PCDHA13: variants seen among roughly 807,000 people sequenced by gnomAD.
PCDHA13 encodes protocadherin alpha-13.
In PCDHA13, 54 loss-of-function variants were observed where a neutral mutation model predicts 64.8. The ratio of observed to expected loss-of-function variants is 0.83; its 90% CI spans 0.67 to 1.04. PCDHA13 has a LOEUF of 1.04. Ranked by LOEUF, PCDHA13 falls within the 50% of genes least tolerant of loss-of-function variation. The pLI, the probability that PCDHA13 is intolerant of heterozygous loss-of-function variation, is 0.00. For missense variants in PCDHA13, 1,248 were observed against 1,254.3 expected, an observed-to-expected ratio of 0.99 and a Z score of 0.08; for synonymous variants, 587 against 564.4, an observed-to-expected ratio of 1.04 and a Z score of -0.57.
intron 1 of PCDHA13, among the ~76,000 whole-genome samples, chr5:140,913,939 A>G (rs1175115466): frequency 1.3e-5 from 2 of 152,116 alleles, no homozygotes. Flanking sequence ...TCAGAGAAGA[A>G]TCTTGATATG....
intron 1 of PCDHA13, among the ~76,000 whole-genome samples, chr5:140,952,242 C>A (rs1469286013): frequency 6.6e-6 from 1 of 151,750 alleles, no homozygotes; most frequent in Admixed American, 6.6e-5. Flanking sequence ...CTGCTTAGAA[C>A]TGCTGGTGGA....
chr5:140,909,787 A>C (rs1299398218), intron 1 of PCDHA13, among the ~76,000 whole-genome samples: 2 of 152,156 alleles, frequency 1.3e-5, no homozygotes, highest in African/African-American at 4.8e-5. Flanking sequence ...ACCCACTCTA[A>C]GTCAGACTTC....
chr5:140,959,347 C>T (rs561977478), intron 1 of PCDHA13, among the ~76,000 whole-genome samples: 4 of 151,938 alleles, frequency 2.6e-5, no homozygotes, highest in Admixed American at 6.6e-5. Context: ...TGCACTCCAG[C>T]GGGACAACTG....
chr5:141,000,737 G>A (rs1449947824), intron 3 of PCDHA13, among the ~76,000 whole-genome samples: 21 of 149,738 alleles, frequency 1.4e-4, no homozygotes, highest in African/African-American at 5.0e-4. Context: ...CCCTATCTCT[G>A]TATATTAAAA....
In PCDHA13 at chr5:140,949,770, T is replaced by C. The variant is rs955982016; in HGVS notation, c.2395-29179T>C. On this transcript the variant is annotated intron_variant, in intron 1 of 3. Coordinates refer to ENST00000289272, the MANE Select transcript of PCDHA13 (RefSeq NM_018904.3). ...TTAGCCCATTCACATTAGTGTAATA[T>C]TTGATATGTTTAGATTTGTGTCCTT... Among the ~76,000 whole-genome samples, 3 of 152,026 alleles carry C rather than the reference T, an allele frequency of 2.0e-5. 1 individual carries two copies. The highest frequency in any genetic ancestry group is 6.8e-3 in the Middle Eastern group (2 of 294).
At chr5:140,993,667 C>T (rs2097576739) in intron 3 of PCDHA13, among the ~76,000 whole-genome samples, 1 of 152,052 alleles carries the variant, frequency 6.6e-6, no homozygotes, top group African/African-American at 2.4e-5. Context: ...AACAATGGAC[C>T]ACATATGTGA....
chr5:140,909,545 C>T (rs2074570694), intron 1 of PCDHA13, among the ~76,000 whole-genome samples: 2 of 152,142 alleles, frequency 1.3e-5, no homozygotes, highest in African/African-American at 4.8e-5. Context: ...TTGATGGTGG[C>T]ACTAATCTCT....
chr5:140,946,491 G>T (rs1292553232), intron 1 of PCDHA13, among the ~76,000 whole-genome samples: 2 of 151,676 alleles, frequency 1.3e-5, no homozygotes, highest in Middle Eastern at 3.4e-3. Context: ...CAAAGGAAAT[G>T]AAATCAGTAT....
chr5:140,968,267 A>G, intron 1 of PCDHA13: 1 of 1,613,984 alleles, frequency 6.2e-7, no homozygotes, highest in Non-Finnish European at 8.5e-7. Flanking sequence ...TGAAAAGGAG[A>G]ATGCAGAGGT....
chr5:140,954,615 C>A (rs782262504), intron 1 of PCDHA13, among the ~76,000 whole-genome samples: 16 of 151,806 alleles, frequency 1.1e-4, no homozygotes, highest in Non-Finnish European at 1.6e-4. Context: ...TTTTAATGGG[C>A]TTGTTTGGGT....
At chr5:140,927,400 C>G (rs782428365) in intron 1 of PCDHA13, 11 of 1,614,126 alleles carry the variant, frequency 6.8e-6, no homozygotes, top group Non-Finnish European at 8.5e-6. Flanking sequence ...TCAGCACTTT[C>G]GCCTGGACAT....
At chr5:140,988,625 T>A (rs1406223989) in intron 3 of PCDHA13, among the ~76,000 whole-genome samples, 1 of 152,176 alleles carries the variant, frequency 6.6e-6, no homozygotes, top group Non-Finnish European at 1.5e-5. Context: ...AATGGAGATG[T>A]CCTGGTTTTC....
rs782417854 is a variant in PCDHA13 at position 140,967,777 on chromosome 5, G to T, written c.2395-11172G>T. On this transcript the variant is annotated intron_variant, in intron 1 of 3. Transcript: ENST00000289272. The stretch of plus-strand genomic sequence containing the variant: ...CCTCCTACCAGATCTATGTGCAGGC[G>T]ACTGACCGGGGTCCAGTGCCCATGG... 2.5e-6 allele frequency: 4 copies of T among 1,614,186 alleles called. No individual in the cohort carries two copies. The South Asian group carries it at 4.4e-5, about 18-fold the overall frequency.
intron 1 of PCDHA13, among the ~76,000 whole-genome samples, chr5:140,932,462 A>G (rs549858141): frequency 6.6e-6 from 1 of 152,022 alleles, no homozygotes; most frequent in African/African-American, 2.4e-5. Flanking sequence ...GCCAGGGTAT[A>G]TAGGAAATAG....
rs782472492 is a variant in PCDHA13 at position 140,883,575 on chromosome 5, G to A, written c.1307G>A (p.Trp436Ter). The A allele has an allele frequency of 1.2e-6, 2 of 1,614,072 alleles. No homozygotes were observed. Among genetic ancestry groups the A allele is most frequent in the Non-Finnish European group, 1.7e-6 (2 of 1,179,996 alleles). ...TARDGGSPSL[W>*]ATASVSVGVA... ...CGGGACGGGGGCTCGCCTTCGCTGT[G>A]GGCCACGGCCAGCGTGTCGGTGGGG... is the stretch of plus-strand genomic sequence containing the variant. Residue 436 changes from tryptophan to a stop codon, truncating the protein, a stop_gained, in exon 1 of 4, where the codon TGG becomes TAG. Coordinates refer to ENST00000289272, the MANE Select transcript of PCDHA13 (RefSeq NM_018904.3). LOFTEE classifies it high-confidence loss of function.
At chr5:140,929,122 G>A (rs782041922) in intron 1 of PCDHA13, 24 of 1,614,096 alleles carry the variant, frequency 1.5e-5, no homozygotes, top group Non-Finnish European at 1.8e-5. Flanking sequence ...CACCATAGAT[G>A]TCACTACAGT....
At position 140,884,181 on chromosome 5, in the gene PCDHA13, A is replaced by G; in HGVS notation, c.1913A>G (p.Asp638Gly). 6.2e-7 allele frequency: 1 copy of G among 1,613,332 alleles called. No individual in the cohort carries two copies. The highest frequency in any genetic ancestry group is 8.5e-7 in the Non-Finnish European group (1 of 1,179,718). The change falls in exon 1 of 4, where the codon GAC becomes GGC. Residue 638 changes from aspartate (D) to glycine (G), a missense_variant. Coordinates refer to ENST00000289272, the MANE Select transcript of PCDHA13 (RefSeq NM_018904.3). ...GAGATCAGCACGACGCGCCCTCTGG[A>G]CGAGGTGGACGCGCCGCACCACCGC... ...TGEISTTRPL[D>G]EVDAPHHRLL...
At chr5:140,897,467 C>T (rs1427386129) in intron 1 of PCDHA13, among the ~76,000 whole-genome samples, 11 of 151,912 alleles carry the variant, frequency 7.2e-5, no homozygotes, top group Non-Finnish European at 7.4e-5. Flanking sequence ...CGATAGTTTA[C>T]TGAGAATGAT....
At chr5:141,007,535 T>C (rs1588169762) in intron 3 of PCDHA13, among the ~76,000 whole-genome samples, 1 of 152,050 alleles carries the variant, frequency 6.6e-6, no homozygotes, top group South Asian at 2.1e-4. Context: ...GCCACTGCAC[T>C]CCAGCTTGGG....
Sources: allele counts gnomAD v4.1 joint callset (sites outside exome capture counted in the v4.1 genomes callset), GRCh38; gene constraint gnomAD v4.1.1; transcripts MANE v1.5; gene names NCBI Gene and HGNC (gene_info 2026-07-23, HGNC 2026-07-21).